Variants in AJAP1 observed in about 807,000 individuals in gnomAD.
AJAP1 encodes adherens junction-associated protein 1.
A neutral mutation model predicts 35.0 loss-of-function variants in AJAP1; 5 were observed. The ratio of observed to expected loss-of-function variants is 0.14; its 90% CI spans 0.07 to 0.30. The LOEUF (loss-of-function observed/expected upper bound fraction) is 0.30. AJAP1 is among the 10% of genes least tolerant of loss of function. AJAP1 has a pLI of 1.00. For synonymous variants in AJAP1, 284 were observed against 249.3 expected (o/e 1.14, Z -1.31); for missense variants, 586 against 571.0 (o/e 1.03, Z -0.27).
chr1:4,702,494 G>T (rs1640010605), intron 1 of AJAP1, among the ~76,000 whole-genome samples: 1 of 152,238 alleles, frequency 6.6e-6, no homozygotes, highest in East Asian at 1.9e-4. Flanking sequence ...TTTGCCCAAG[G>T]GCTTGACCGT....
chr1:4,768,606 G>T (rs149400394), intron 2 of AJAP1, among the ~76,000 whole-genome samples: 1 of 152,350 alleles, frequency 6.6e-6, no homozygotes, highest in Non-Finnish European at 1.5e-5. Context: ...GGTTGGTCAG[G>T]TGTGAGGGGC....
intron 2 of AJAP1, among the ~76,000 whole-genome samples, chr1:4,768,856 G>A (rs1405152917): frequency 6.6e-6 from 1 of 152,242 alleles, no homozygotes. Flanking sequence ...TGTGACAGAT[G>A]TGTAGTCAGG....
At chr1:4,666,796 G>A (rs1261298844) in intron 1 of AJAP1, among the ~76,000 whole-genome samples, 10 of 147,926 alleles carry the variant, frequency 6.8e-5, no homozygotes, top group Non-Finnish European at 1.2e-4. Flanking sequence ...CGTGAATCAC[G>A]GAAGGGTTGC....
Position 4,655,318 on chromosome 1 carries a change from G to A in AJAP1, c.-108G>A, listed in dbSNP as rs1258068527. 1.8e-5 allele frequency: 18 copies of A among 982,712 alleles called. No individual in the cohort carries two copies. The highest frequency in any genetic ancestry group is 6.0e-4 in the Middle Eastern group (2 of 3,332). The allele number at this position is 982,712 out of a possible 1,614,324, so 60.9% of individuals were successfully genotyped here. A position where few individuals can be genotyped will look rare whatever the true frequency, so the allele number is the denominator to read the frequency against. On this transcript the variant is annotated 5_prime_UTR_variant, in exon 1 of 6. Coordinates refer to ENST00000378191, the MANE Select transcript of AJAP1 (RefSeq NM_018836.4). The surrounding 1 kb of genome is among the most constrained non-coding windows in gnomAD (Gnocchi z 6.9). Reference sequence around the variant, plus strand: ...GGCCGGCGGGCGGCGGGAGGCGGCGGACCGAGAGCCGGAGACCGGCGCCGC... The same window carrying A: ...GGCCGGCGGGCGGCGGGAGGCGGCGAACCGAGAGCCGGAGACCGGCGCCGC...
intron 2 of AJAP1, among the ~76,000 whole-genome samples, chr1:4,758,384 G>A (rs1641485004): frequency 6.6e-6 from 1 of 152,192 alleles, no homozygotes; most frequent in Non-Finnish European, 1.5e-5. Context: ...ATAAAGAAAA[G>A]AGGTTTCATC....
intron 1 of AJAP1, among the ~76,000 whole-genome samples, chr1:4,703,307 G>T (rs1234841327): frequency 6.6e-6 from 1 of 152,130 alleles, no homozygotes; most frequent in Non-Finnish European, 1.5e-5. Flanking sequence ...CTGAGACTGG[G>T]GGATGGCCAT....
At chr1:4,714,815 T>G (rs1209258311) in intron 2 of AJAP1, among the ~76,000 whole-genome samples, 1 of 152,178 alleles carries the variant, frequency 6.6e-6, no homozygotes, top group African/African-American at 2.4e-5. Context: ...ATCCTGAGCT[T>G]CCCAGCCAAG....
intron 2 of AJAP1, among the ~76,000 whole-genome samples, chr1:4,716,692 A>G (rs1640398806): frequency 2.0e-5 from 3 of 151,646 alleles, no homozygotes; most frequent in Admixed American, 2.0e-4. Context: ...AATGGTGGTG[A>G]TGATGGTGGT....
rs369444798 is a variant in AJAP1 at position 4,711,692 on chromosome 1, C to T, written c.30-208C>T. ...GTGCCGGGAAGCAGCTCCCCGCACC[C>T]TCGCAGCGCGCGCTGTTCTTGCACG... On this transcript the variant is annotated intron_variant, in intron 1 of 5. Transcript: ENST00000378191. 4.0e-3 allele frequency among the ~76,000 whole-genome samples: 613 copies of T among 152,326 alleles called. 1 individual carries two copies. Among genetic ancestry groups the T allele is most frequent in the African/African-American group, 0.013 (523 of 41,584 alleles).
At chr1:4,664,427 G>A (rs768508602) in intron 1 of AJAP1, among the ~76,000 whole-genome samples, 86 of 152,272 alleles carry the variant, frequency 5.6e-4, no homozygotes, top group Non-Finnish European at 1.0e-3. Context: ...CAAGCGTTCT[G>A]AGCCTGGTAG....
Position 4,686,540 on chromosome 1 carries a change from C to T in AJAP1, c.30-25360C>T, listed in dbSNP as rs545316299. 6.6e-5 allele frequency among the ~76,000 whole-genome samples: 10 copies of T among 152,292 alleles called. No individual in the cohort carries two copies. In the East Asian group the frequency reaches 1.9e-3, roughly 29 times the overall value. On this transcript the variant is annotated intron_variant, in intron 1 of 5. Transcript: ENST00000378191. ...CAATAAGTAAATAAAATGATAAACC[C>T]CAGTCTTTATGGATAATACACTAAT... is the stretch of plus-strand genomic sequence containing the variant.
chr1:4,730,495 ACAC>A (rs1324668624), intron 2 of AJAP1, among the ~76,000 whole-genome samples: 1 of 152,020 alleles, frequency 6.6e-6, no homozygotes, highest in East Asian at 1.9e-4. Flanking sequence ...AAAAGCAACA[ACAC>A]AAGCCGCTGC....
At chr1:4,727,887 G>C (rs993717706) in intron 2 of AJAP1, among the ~76,000 whole-genome samples, 1 of 152,230 alleles carries the variant, frequency 6.6e-6, no homozygotes, top group African/African-American at 2.4e-5. Context: ...GCCAATGCCT[G>C]GAAGAAGCTT....
In AJAP1 at chr1:4,717,132, G is replaced by C. The variant is rs550023307; in HGVS notation, c.829+4433G>C. On this transcript the variant is annotated intron_variant, in intron 2 of 5. Transcript: ENST00000378191. ...GAATCTGGAATCACAGAGTCTCCTG[G>C]GAGAAAAACAGAAAGTCATTTTCTG... Among the ~76,000 whole-genome samples the C allele has an allele frequency of 5.3e-5, 8 of 152,280 alleles. 1 individual carries two copies. The highest frequency in any genetic ancestry group is 1.9e-4 in the African/African-American group (8 of 41,554).
intron 1 of AJAP1, among the ~76,000 whole-genome samples, chr1:4,662,046 T>TTGTGTG (rs3086604): frequency 1.1e-4 from 16 of 151,072 alleles, no homozygotes; most frequent in African/African-American, 1.5e-4. Flanking sequence ...CCCTTTATAT[T>TTGTGTG]TGTGTGTGTG....
chr1:4,658,170 G>A (rs1638924978), intron 1 of AJAP1, among the ~76,000 whole-genome samples: 1 of 152,154 alleles, frequency 6.6e-6, no homozygotes, highest in Non-Finnish European at 1.5e-5. Context: ...CACCTAATAC[G>A]TTTGCTGGGT....
At position 4,774,528 on chromosome 1, in the gene AJAP1, G is replaced by A. The variant is rs1483660890; in HGVS notation, c.*29G>A. The A allele has an allele frequency of 1.9e-6, 3 of 1,605,364 alleles. No individual in the cohort carries two copies. Among genetic ancestry groups the A allele is most frequent in the African/African-American group, 1.3e-5 (1 of 74,698 alleles). The stretch of plus-strand genomic sequence containing the variant: ...GCCGAAGTCTTTTTTACCTCCTGGG[G>A]GCAGGGCAGACGCCGTGTGTCTGTT... On this transcript the variant is annotated 3_prime_UTR_variant, in exon 5 of 6. Coordinates refer to ENST00000378191, the MANE Select transcript of AJAP1 (RefSeq NM_018836.4).
At chr1:4,702,680 T>A (rs1296354484) in intron 1 of AJAP1, among the ~76,000 whole-genome samples, 2 of 152,100 alleles carry the variant, frequency 1.3e-5, no homozygotes, top group Non-Finnish European at 2.9e-5. Context: ...TCCCTGTAAG[T>A]GTGGCCCTTG....
intron 1 of AJAP1, among the ~76,000 whole-genome samples, chr1:4,662,669 T>C (rs1639025904): frequency 6.6e-6 from 1 of 152,156 alleles, no homozygotes; most frequent in African/African-American, 2.4e-5. Context: ...GGATGGAAAA[T>C]GTGCCGGGCT....
Sources: gnomAD v4.1 joint callset for allele counts (sites outside exome capture counted in the v4.1 genomes callset) on GRCh38, gnomAD v4.1.1 for gene constraint, Gnocchi (gnomAD v3.1) non-coding constraint, MANE v1.5 for transcripts, NCBI Gene and HGNC (gene_info 2026-07-23, HGNC 2026-07-21) for gene names.